Variants in IREB2 observed in about 807,000 individuals in gnomAD.
The protein encoded by IREB2 is iron responsive element binding protein 2, also known as iron-responsive element-binding protein 2.
A neutral mutation model predicts 118.8 loss-of-function variants in IREB2; 39 were observed. That is an observed-to-expected ratio of 0.33 (90% CI 0.25 to 0.43). The LOEUF (loss-of-function observed/expected upper bound fraction) is 0.43, where lower values mean the gene tolerates loss of function less well. Among genes scored for constraint, IREB2 ranks in the 20% least tolerant of loss-of-function variants. IREB2 has a pLI of 1.00. For missense variants in IREB2, 900 were observed against 1,147.3 expected (o/e 0.78, Z 3.11); for synonymous variants, 372 against 392.2 (o/e 0.95, Z 0.61).
chr15:78,468,714 A>T (rs1315720400), intron 5 of IREB2, among the ~76,000 whole-genome samples: 2 of 152,122 alleles, frequency 1.3e-5, no homozygotes, highest in African/African-American at 4.8e-5. Flanking sequence ...GTCTAGTTCT[A>T]AAATATTGGG....
chr15:78,444,551 G>A (rs935152248), intron 2 of IREB2, among the ~76,000 whole-genome samples: 2 of 151,930 alleles, frequency 1.3e-5, no homozygotes, highest in African/African-American at 2.4e-5. Flanking sequence ...CAGTAGAGCC[G>A]GGACTTAGTG....
intron 2 of IREB2, among the ~76,000 whole-genome samples, chr15:78,458,273 A>T (rs1355888420): frequency 6.6e-6 from 1 of 152,190 alleles, no homozygotes; most frequent in African/African-American, 2.4e-5. Flanking sequence ...AGTGAACCCT[A>T]ATGTAAACTG....
Position 78,465,271 on chromosome 15 carries a change from A to G in IREB2, c.293A>G (p.Asp98Gly). The change falls in exon 4 of 22, where the codon GAT becomes GGT. Residue 98 changes from aspartate (D) to glycine (G), a missense_variant. Coordinates refer to ENST00000258886, the MANE Select transcript of IREB2 (RefSeq NM_004136.4). The part of the protein sequence containing the change: ...QDFTGIPAMV[D>G]FAAMREAVKT... ...TTTAGTGGAATACCAGCAATGGTGG[A>G]TTTTGCTGCTATGAGGGAGGCAGTG... 3 of 1,610,472 alleles carry G rather than the reference A, an allele frequency of 1.9e-6. No homozygotes were observed. Among genetic ancestry groups the G allele is most frequent in the Non-Finnish European group, 2.5e-6 (3 of 1,178,832 alleles).
chr15:78,461,788 C>T (rs1250347475), intron 2 of IREB2, among the ~76,000 whole-genome samples: 5 of 152,130 alleles, frequency 3.3e-5, no homozygotes, highest in African/African-American at 1.2e-4. Context: ...CTTCTGTGCT[C>T]TTGAAACCAT....
At chr15:78,460,505 C>G (rs1288735844) in intron 2 of IREB2, among the ~76,000 whole-genome samples, 1 of 152,128 alleles carries the variant, frequency 6.6e-6, no homozygotes, top group African/African-American at 2.4e-5. Context: ...CTCAGATTGA[C>G]CCGTTAGTGT....
At chr15:78,470,174 A>G (rs145273695) in intron 5 of IREB2, among the ~76,000 whole-genome samples, 1,899 of 152,348 alleles carry the variant, frequency 0.012, 52 homozygotes, top group African/African-American at 0.044. Context: ...CACAAGAGCC[A>G]GGTGGGGAGG....
intron 11 of IREB2, among the ~76,000 whole-genome samples, chr15:78,484,547 C>CT (rs988911115): frequency 6.6e-6 from 1 of 152,156 alleles, no homozygotes; most frequent in African/African-American, 2.4e-5. Flanking sequence ...AAAAGTTTTG[C>CT]TTGTGAACAT....
At chr15:78,485,586 A>G in intron 12 of IREB2, 119 bp from the exon 13 acceptor site, 1 of 1,016,410 alleles carries the variant, frequency 9.8e-7, no homozygotes, top group Non-Finnish European at 1.4e-6. Flanking sequence ...TAATGACAGT[A>G]AGTTTATGAA....
At chr15:78,490,147 T>TA (rs2051725082) in intron 16 of IREB2, among the ~76,000 whole-genome samples, 4 of 152,202 alleles carry the variant, frequency 2.6e-5, no homozygotes, top group Non-Finnish European at 5.9e-5. Context: ...GCATGGTGGC[T>TA]AATGCCTATA....
chr15:78,438,364 T>G lies in IREB2; in HGVS notation c.19+8T>G, dbSNP rs780806654. 6.3e-7 allele frequency: 1 copy of G among 1,597,190 alleles called. No homozygotes were observed. Among genetic ancestry groups the G allele is most frequent in the Non-Finnish European group, 8.5e-7 (1 of 1,172,686 alleles). ...TGGACGCCCCAAAAGCAGGTCAGTTTCGGGCCTCCGAGCTGGGTCTGGCAG... is the reference window on the plus strand; with the variant it reads ...TGGACGCCCCAAAAGCAGGTCAGTTGCGGGCCTCCGAGCTGGGTCTGGCAG... On this transcript the variant is annotated splice_region_variant and intron_variant, in intron 1 of 21. Coordinates refer to ENST00000258886, the MANE Select transcript of IREB2 (RefSeq NM_004136.4).
chr15:78,486,301 G>C (rs148762388), intron 13 of IREB2, among the ~76,000 whole-genome samples: 1,657 of 152,294 alleles, frequency 0.011, 40 homozygotes, highest in African/African-American at 0.038. Flanking sequence ...CCTGAACTTT[G>C]GAGAAAGTAA....
chr15:78,476,418 AT>A, intron 9 of IREB2, 59 bp downstream of exon 9: 3 of 1,188,312 alleles, frequency 2.5e-6, no homozygotes, highest in Non-Finnish European at 3.5e-6. Context: ...GTTTGATAAT[AT>A]TTTATAAATT....
chr15:78,466,950 C>T (rs1236669986), intron 5 of IREB2, among the ~76,000 whole-genome samples: 1 of 152,104 alleles, frequency 6.6e-6, no homozygotes, highest in Non-Finnish European at 1.5e-5. Context: ...GGCGTAGTGG[C>T]TCATGACTGT....
intron 18 of IREB2, 77 bp from the exon 19 acceptor site, chr15:78,493,832 C>T: frequency 7.2e-7 from 1 of 1,390,094 alleles, no homozygotes; most frequent in Non-Finnish European, 9.7e-7. Flanking sequence ...AAAAATTTTT[C>T]AATAGGTCTT....
At chr15:78,478,438 T>C (rs1292948553) in intron 10 of IREB2, 41 bp downstream of exon 10, 1 of 1,237,420 alleles carries the variant, frequency 8.1e-7, no homozygotes. Flanking sequence ...AGAGTGTAAA[T>C]TGTGGTGTAA....
At chr15:78,458,809 C>T (rs758889075) in intron 2 of IREB2, among the ~76,000 whole-genome samples, 11 of 152,142 alleles carry the variant, frequency 7.2e-5, no homozygotes, top group Admixed American at 4.6e-4. Flanking sequence ...TAAATATATT[C>T]GTTTTGTTGT....
intron 9 of IREB2, among the ~76,000 whole-genome samples, chr15:78,477,461 C>CT (rs1280718444): frequency 5.3e-5 from 8 of 152,174 alleles, no homozygotes; most frequent in African/African-American, 1.9e-4. Context: ...TTAGGTAAGT[C>CT]TATCAGGCAA....
intron 8 of IREB2, chr15:78,473,703 G>A (rs1010897310): frequency 2.3e-5 from 5 of 213,206 alleles, no homozygotes; most frequent in African/African-American, 4.7e-5. Flanking sequence ...CCAAAGGGTC[G>A]AAGGCCTGAG....
upstream of IREB2, among the ~76,000 whole-genome samples, chr15:78,437,878 C>T (rs111511327): frequency 6.6e-6 from 1 of 152,346 alleles, no homozygotes; most frequent in Non-Finnish European, 1.5e-5. Flanking sequence ...TGAGCTCTTT[C>T]TCCTAGCAGT....
Sources: allele counts gnomAD v4.1 joint callset (sites outside exome capture counted in the v4.1 genomes callset), GRCh38; gene constraint gnomAD v4.1.1; transcripts MANE v1.5; gene names NCBI Gene and HGNC (gene_info 2026-07-23, HGNC 2026-07-21).